Variants in FBXL7 observed in about 807,000 individuals in gnomAD.
FBXL7 encodes the protein F-box/LRR-repeat protein 7.
Under a neutral mutation model 38.3 loss-of-function variants are expected in FBXL7, and 12 were observed. The ratio of observed to expected loss-of-function variants is 0.31; its 90% CI spans 0.20 to 0.51. FBXL7 has a LOEUF of 0.51. FBXL7 is among the 20% of genes least tolerant of loss of function. The pLI, the probability that FBXL7 is intolerant of heterozygous loss-of-function variation, is 0.98. For synonymous variants in FBXL7, 297 were observed against 300.9 expected (o/e 0.99, Z 0.13); for missense variants, 567 against 676.4 (o/e 0.84, Z 1.79).
At chr5:15,509,452 A>G (rs753657832) in intron 1 of FBXL7, among the ~76,000 whole-genome samples, 2 of 152,212 alleles carry the variant, frequency 1.3e-5, no homozygotes, top group African/African-American at 2.4e-5. Context: ...GAAAGACTCT[A>G]CTTCCCCAGT....
At chr5:15,794,264 G>C (rs1737357206) in intron 2 of FBXL7, among the ~76,000 whole-genome samples, 1 of 152,178 alleles carries the variant, frequency 6.6e-6, no homozygotes, top group African/African-American at 2.4e-5. Flanking sequence ...TTAACACTCA[G>C]ACTGTTTCCA....
intron 2 of FBXL7, among the ~76,000 whole-genome samples, chr5:15,704,758 G>T (rs777638436): frequency 6.6e-6 from 1 of 152,106 alleles, no homozygotes; most frequent in Non-Finnish European, 1.5e-5. Flanking sequence ...AAAATACTTT[G>T]TGAGTGAAAT....
intron 2 of FBXL7, among the ~76,000 whole-genome samples, chr5:15,777,641 A>G (rs2055623): frequency 6.7e-6 from 1 of 148,326 alleles, no homozygotes; most frequent in African/African-American, 2.5e-5. Context: ...GTGCATAGAA[A>G]TTTTGGGTCC....
intron 2 of FBXL7, among the ~76,000 whole-genome samples, chr5:15,920,276 T>C (rs1741705205): frequency 6.6e-6 from 1 of 151,972 alleles, no homozygotes; most frequent in African/African-American, 2.4e-5. Context: ...AAAATTGCTT[T>C]ATAATCTAGT....
intron 2 of FBXL7, among the ~76,000 whole-genome samples, chr5:15,891,512 A>T (rs1000424504): frequency 4.6e-5 from 7 of 152,262 alleles, no homozygotes; most frequent in Admixed American, 4.6e-4. Flanking sequence ...CTGGAGACAC[A>T]TCAGGAAACA....
chr5:15,572,552 T>G (rs1738826460), intron 1 of FBXL7, among the ~76,000 whole-genome samples: 1 of 152,170 alleles, frequency 6.6e-6, no homozygotes, highest in African/African-American at 2.4e-5. Flanking sequence ...TCCTGTCATC[T>G]TTGACTTTGA....
At chr5:15,777,337 G>A (rs111379084) in intron 2 of FBXL7, among the ~76,000 whole-genome samples, 6 of 152,124 alleles carry the variant, frequency 3.9e-5, no homozygotes, top group African/African-American at 1.4e-4. Context: ...AAATAATGTA[G>A]CATTTGAATC....
At chr5:15,796,093 T>A (rs1459149531) in intron 2 of FBXL7, among the ~76,000 whole-genome samples, 1 of 152,204 alleles carries the variant, frequency 6.6e-6, no homozygotes, top group Admixed American at 6.5e-5. Flanking sequence ...ATTCTCAGAA[T>A]CAACTTTGAA....
chr5:15,620,358 G>C (rs149357462), intron 2 of FBXL7, among the ~76,000 whole-genome samples: 1 of 148,624 alleles, frequency 6.7e-6, no homozygotes, highest in South Asian at 2.1e-4. Context: ...TCAGCCTCCC[G>C]AGTAGCTGGG....
At chr5:15,752,735 A>T (rs530854308) in intron 2 of FBXL7, among the ~76,000 whole-genome samples, 1 of 152,312 alleles carries the variant, frequency 6.6e-6, no homozygotes, top group African/African-American at 2.4e-5. Flanking sequence ...CATTTTAGTA[A>T]ATGTATGAAT....
chr5:15,824,078 G>A (rs1738242131), intron 2 of FBXL7, among the ~76,000 whole-genome samples: 2 of 151,998 alleles, frequency 1.3e-5, no homozygotes, highest in South Asian at 2.1e-4. Flanking sequence ...AGGAGTTCGA[G>A]ACCAGCCTGA....
At chr5:15,783,928 GC>G (rs1017537893) in intron 2 of FBXL7, among the ~76,000 whole-genome samples, 1 of 152,176 alleles carries the variant, frequency 6.6e-6, no homozygotes, top group African/African-American at 2.4e-5. Flanking sequence ...TTGGCAATGG[GC>G]CAGGTAAACA....
At chr5:15,935,246 C>T (rs745957453) in intron 3 of FBXL7, 3 of 534,694 alleles carry the variant, frequency 5.6e-6, no homozygotes, top group South Asian at 1.4e-5. Flanking sequence ...GGCGCCATCC[C>T]GAGGCTTTGC....
At chr5:15,813,302 T>C (rs1164644672) in intron 2 of FBXL7, among the ~76,000 whole-genome samples, 1 of 151,970 alleles carries the variant, frequency 6.6e-6, no homozygotes, top group Non-Finnish European at 1.5e-5. Flanking sequence ...CTTTGACAAA[T>C]CTGACAAAAA....
rs79378081 is a variant in FBXL7, at chr5:15,670,286, A to G, written c.127+54214A>G. ...TATAAAAATAACTAATAAAACTTCT[A>G]ATTTCATCATCGACCATATGACTGA... On this transcript the variant is annotated intron_variant, in intron 2 of 3. Transcript: ENST00000504595. Among the ~76,000 whole-genome samples the G allele has an allele frequency of 4.4e-3, 669 of 152,330 alleles. 4 individuals carry two copies. Among genetic ancestry groups the G allele is most frequent in the African/African-American group, 0.016 (650 of 41,584 alleles).
intron 1 of FBXL7, chr5:15,501,481 T>TA: frequency 1.0e-6 from 1 of 985,580 alleles, no homozygotes; most frequent in Non-Finnish European, 1.2e-6. Flanking sequence ...TAGCCCCTGA[T>TA]ACGCATAAGG....
At chr5:15,715,477 G>A (rs958970096) in intron 2 of FBXL7, among the ~76,000 whole-genome samples, 10 of 132,602 alleles carry the variant, frequency 7.5e-5, no homozygotes, top group Non-Finnish European at 1.5e-4. Context: ...GTGACAGAGC[G>A]AGACTCCGTC....
intron 2 of FBXL7, among the ~76,000 whole-genome samples, chr5:15,736,655 A>G (rs928932741): frequency 6.6e-6 from 1 of 152,182 alleles, no homozygotes; most frequent in East Asian, 1.9e-4. Context: ...AAGAAAATTT[A>G]TACTCTAGGA....
At position 15,873,994 on chromosome 5, in the gene FBXL7, G is replaced by A. The variant is rs992704071; in HGVS notation, c.128-53896G>A. ...AAGAAAATTTCAGGCCAATATCCCTGATGAAGATCAATGCGAAAATACCCA... is the reference window on the plus strand; with the variant it reads ...AAGAAAATTTCAGGCCAATATCCCTAATGAAGATCAATGCGAAAATACCCA... On this transcript the variant is annotated intron_variant, in intron 2 of 3. Transcript: ENST00000504595. 5.7e-4 allele frequency among the ~76,000 whole-genome samples: 87 copies of A among 152,256 alleles called. 1 individual carries two copies. Among genetic ancestry groups the A allele is most frequent in the African/African-American group, 2.0e-3 (83 of 41,548 alleles).
Sources: gnomAD v4.1 joint callset for allele counts (sites outside exome capture counted in the v4.1 genomes callset) on GRCh38, gnomAD v4.1.1 for gene constraint, MANE v1.5 for transcripts, NCBI Gene and HGNC (gene_info 2026-07-23, HGNC 2026-07-21) for gene names.